ANKRD36: variants seen among roughly 807,000 people sequenced by gnomAD.
ANKRD36 encodes ankyrin repeat domain 36.
In ANKRD36, 179 loss-of-function variants were observed where a neutral mutation model predicts 278.1. The ratio of observed to expected loss-of-function variants is 0.64; its 90% CI spans 0.57 to 0.73. The LOEUF is 0.73. Among genes scored for constraint, ANKRD36 ranks in the 30% least tolerant of loss-of-function variants. The probability of loss-of-function intolerance (pLI) is 0.00; values close to 1 mark genes in which losing one functional copy is unlikely to be tolerated. For synonymous variants in ANKRD36, 320 were observed against 641.1 expected, an observed-to-expected ratio of 0.50 and a Z score of 7.57; for missense variants, 1,159 against 1,956.7, an observed-to-expected ratio of 0.59 and a Z score of 7.69.
intron 54 of ANKRD36, among the ~76,000 whole-genome samples, chr2:97,209,290 C>G (rs56056137): frequency 0.028 from 4,086 of 146,168 alleles, 850 homozygotes; most frequent in African/African-American, 0.1. Context: ...GGTGTAAATC[C>G]TTTTGATTTG....
chr2:97,209,990 G>T, intron 56 of ANKRD36, 118 bp downstream of exon 56: 1 of 1,414,572 alleles, frequency 7.1e-7, no homozygotes, highest in Non-Finnish European at 9.4e-7. Context: ...GCAGTCCTGA[G>T]ATTCTTCATT....
intron 66 of ANKRD36, among the ~76,000 whole-genome samples, chr2:97,222,217 C>G (rs1177351263): frequency 6.6e-6 from 1 of 151,848 alleles, no homozygotes; most frequent in Non-Finnish European, 1.5e-5. Context: ...TAGTGTGATG[C>G]CTCCAGCTTT....
chr2:97,165,997 T>C (rs1391635072), intron 20 of ANKRD36, among the ~76,000 whole-genome samples: 4 of 151,716 alleles, frequency 2.6e-5, no homozygotes, highest in African/African-American at 9.7e-5. Flanking sequence ...AGAGACTATG[T>C]CATTGTAATT....
At chr2:97,210,485 A>C (rs1355742002) in intron 56 of ANKRD36, among the ~76,000 whole-genome samples, 1 of 151,892 alleles carries the variant, frequency 6.6e-6, no homozygotes, top group Non-Finnish European at 1.5e-5. Context: ...AGCAGGAAAC[A>C]ATGGTATAAT....
intron 66 of ANKRD36, among the ~76,000 whole-genome samples, chr2:97,219,709 G>A (rs1005235450): frequency 7.3e-5 from 10 of 136,758 alleles, no homozygotes; most frequent in African/African-American, 1.7e-4. Context: ...TTGAGCTCTC[G>A]ACCTCAGGTG....
At chr2:97,116,855 A>C (rs539309623) in intron 1 of ANKRD36, among the ~76,000 whole-genome samples, 8 of 152,134 alleles carry the variant, frequency 5.3e-5, no homozygotes. Context: ...AAACTTCCCA[A>C]CTGTATGTAT....
chr2:97,169,126 C>T (rs939189842), intron 22 of ANKRD36, among the ~76,000 whole-genome samples: 1 of 152,306 alleles, frequency 6.6e-6, no homozygotes, highest in Non-Finnish European at 1.5e-5. Flanking sequence ...TCTGTTGTTT[C>T]CTGAGTTTTT....
intron 6 of ANKRD36, among the ~76,000 whole-genome samples, chr2:97,133,309 T>A (rs2040649652): frequency 6.6e-6 from 1 of 152,036 alleles, no homozygotes; most frequent in African/African-American, 2.4e-5. Context: ...TATGAAATAC[T>A]AAGTTTCTGT....
In ANKRD36 at chr2:97,216,833, T is replaced by C. The variant is rs1157213145; in HGVS notation, c.3674-344T>C. 29 of 550,468 alleles carry C rather than the reference T, an allele frequency of 5.3e-5. No individual in the cohort carries two copies. The East Asian group carries it at 1.2e-3, about 22-fold the overall frequency. The allele number at this position is 550,468 out of a possible 1,614,324, so 34.1% of individuals were successfully genotyped here. On this transcript the variant is annotated intron_variant, in intron 62 of 75. Coordinates refer to ENST00000420699, the MANE Select transcript of ANKRD36 (RefSeq NM_001354587.1). ...ACCTGTGGGATCAAGTACCACCTAC[T>C]TTGACATTGATTCTCAATTGTATGA... is the stretch of plus-strand genomic sequence containing the variant.
chr2:97,193,502 GA>G (rs1290405147), intron 38 of ANKRD36, among the ~76,000 whole-genome samples: 1 of 123,172 alleles, frequency 8.1e-6, no homozygotes, highest in African/African-American at 2.6e-5. Flanking sequence ...TTTTCCTAAG[GA>G]AGACGGATTG....
intron 22 of ANKRD36, among the ~76,000 whole-genome samples, chr2:97,168,249 A>ATG (rs934041288): frequency 2.0e-5 from 3 of 151,310 alleles, no homozygotes; most frequent in Non-Finnish European, 4.4e-5. Context: ...CTGCATGTGT[A>ATG]TGTGTGTGTG....
intron 64 of ANKRD36, among the ~76,000 whole-genome samples, chr2:97,218,288 A>G (rs907628681): frequency 1.3e-5 from 2 of 149,196 alleles, no homozygotes; most frequent in African/African-American, 5.0e-5. Flanking sequence ...CTGATTTCCA[A>G]ATGTATAAGT....
chr2:97,147,755 C>A (rs1246968407), intron 11 of ANKRD36, among the ~76,000 whole-genome samples: 3 of 151,740 alleles, frequency 2.0e-5, no homozygotes, highest in Admixed American at 6.6e-5. Flanking sequence ...TTGCAGGGGG[C>A]AGCCAAATTT....
chr2:97,209,501 C>T (rs1248637592), intron 54 of ANKRD36, among the ~76,000 whole-genome samples, 180 bp from the exon 55 acceptor site: 1 of 146,110 alleles, frequency 6.8e-6, no homozygotes, highest in African/African-American at 2.7e-5. Context: ...TTCATGGAGC[C>T]TGTGTTCCCT....
intron 38 of ANKRD36, among the ~76,000 whole-genome samples, chr2:97,194,355 G>A (rs1292253385): frequency 9.9e-5 from 15 of 151,624 alleles, no homozygotes; most frequent in Non-Finnish European, 2.2e-4. Context: ...TTGCATGAAA[G>A]ACATATGGGA....
intron 22 of ANKRD36, among the ~76,000 whole-genome samples, chr2:97,178,911 A>G (rs1265147505): frequency 1.3e-5 from 2 of 151,690 alleles, no homozygotes; most frequent in African/African-American, 4.8e-5. Context: ...AATAATGTTG[A>G]ATTCATTACT....
At chr2:97,145,147 A>T (rs2043940834) in intron 10 of ANKRD36, among the ~76,000 whole-genome samples, 1 of 152,068 alleles carries the variant, frequency 6.6e-6, no homozygotes, top group South Asian at 2.1e-4. Flanking sequence ...CCACTGATGT[A>T]GTAATTATTT....
At chr2:97,169,521 T>C (rs2051753004) in intron 22 of ANKRD36, among the ~76,000 whole-genome samples, 2 of 152,302 alleles carry the variant, frequency 1.3e-5, no homozygotes, top group East Asian at 1.9e-4. Context: ...AACATGATTG[T>C]ATATTTAGGA....
intron 60 of ANKRD36, among the ~76,000 whole-genome samples, chr2:97,214,115 A>T (rs1292423294): frequency 6.7e-6 from 1 of 150,322 alleles, no homozygotes; most frequent in Non-Finnish European, 1.5e-5. Flanking sequence ...GAAGTTATTT[A>T]TGTAATTTTG....
Sources: gnomAD v4.1 joint callset for allele counts (sites outside exome capture counted in the v4.1 genomes callset) on GRCh38, gnomAD v4.1.1 for gene constraint, MANE v1.5 for transcripts, NCBI Gene and HGNC (gene_info 2026-07-23, HGNC 2026-07-21) for gene names.